PLCB3: variants seen among roughly 807,000 people sequenced by gnomAD.
The protein encoded by PLCB3 is phospholipase C beta 3.
A neutral mutation model predicts 152.1 loss-of-function variants in PLCB3; 54 were observed. The observed-to-expected ratio is 0.36, with a 90% CI of 0.29 to 0.45. The LOEUF is 0.45. Ranked by LOEUF, PLCB3 falls within the 20% of genes least tolerant of loss-of-function variation. PLCB3 has a pLI of 1.00. For missense variants in PLCB3, 1,248 were observed against 1,687.5 expected, an observed-to-expected ratio of 0.74 and a Z score of 4.56; for synonymous variants, 717 against 698.7, an observed-to-expected ratio of 1.03 and a Z score of -0.41.
chr11:64,260,477 C>T (rs2031791818), intron 14 of PLCB3, among the ~76,000 whole-genome samples: 1 of 151,894 alleles, frequency 6.6e-6, no homozygotes, highest in Non-Finnish European at 1.5e-5. Flanking sequence ...GGAGTCTACC[C>T]TGGGCAGGGA....
chr11:64,252,684 T>C (rs887029723), intron 1 of PLCB3, among the ~76,000 whole-genome samples: 17 of 151,224 alleles, frequency 1.1e-4, no homozygotes, highest in Non-Finnish European at 2.4e-4. Flanking sequence ...CGAGGTGGGG[T>C]GCCTGGGGGC....
chr11:64,254,680 G>A, intron 2 of PLCB3, 68 bp from the exon 3 acceptor site: 1 of 1,550,434 alleles, frequency 6.4e-7, no homozygotes, highest in Non-Finnish European at 8.9e-7. Context: ...CCTGGGTAGA[G>A]AGCTTGGAAG....
intron 10 of PLCB3, among the ~76,000 whole-genome samples, chr11:64,256,997 CTTTTTTTTTTT>C (rs5792316): frequency 1.6e-5 from 1 of 61,560 alleles, no homozygotes; most frequent in African/African-American, 6.7e-5. Flanking sequence ...CTTCAGGGTC[CTTTTTTTTTTT>C]TTTTTTTTTT....
rs1237149580 is a variant in PLCB3 at position 64,262,495 on chromosome 11, C to T, written c.2127C>T (p.Asp709=). ...AGCCGGAGTTCATGCGGCGGCCGGA[C>T]AAGTCCTTCGACCCCTTCACTGAGG... ...LLKPEFMRRP[D]KSFDPFTEVI... Residue 709 remains aspartate, a synonymous_variant, in exon 18 of 31, where the codon GAC becomes GAT. Transcript: ENST00000279230. The T allele has an allele frequency of 1.2e-6, 2 of 1,613,902 alleles. No homozygotes were observed.
chr11:64,254,713 C>T (rs755607508), intron 2 of PLCB3, 35 bp from the exon 3 acceptor site: 21 of 1,604,358 alleles, frequency 1.3e-5, no homozygotes, highest in Non-Finnish European at 1.6e-5. Flanking sequence ...GCCCTGCAGC[C>T]TCTCATACTC....
chr11:64,261,415 G>A lies in PLCB3; in HGVS notation c.1747G>A (p.Glu583Lys), dbSNP rs1215465391. ...GGGCCCACAGGGCACAGCCAGCAGC[G>A]AGGTGAATGCCACTGAGGAGATGTC... is the stretch of plus-strand genomic sequence containing the variant. Reference protein sequence around the residue: ...PTTDEGTASSEVNATEEMSTL... With the variant: ...PTTDEGTASSKVNATEEMSTL... Residue 583 changes from glutamate (E) to lysine (K), a missense_variant, in exon 15 of 31, where the codon GAG becomes AAG. This residue lies in a region of PLCB3 where 244 missense variants were observed against 424.4 expected (regional missense o/e 0.57). Transcript: ENST00000279230. 1 of 1,613,824 alleles carries A rather than the reference G, an allele frequency of 6.2e-7. No homozygotes were observed. Among genetic ancestry groups the A allele is most frequent in the Non-Finnish European group, 8.5e-7 (1 of 1,179,876 alleles).
At position 64,258,880 on chromosome 11, in the gene PLCB3, C is replaced by T. The variant is rs770829670; in HGVS notation, c.1254-5C>T. On this transcript the variant is annotated splice_region_variant and splice_polypyrimidine_tract_variant and intron_variant, in intron 11 of 30. Coordinates refer to ENST00000279230, the MANE Select transcript of PLCB3 (RefSeq NM_000932.5). The surrounding 1 kb of genome is among the most constrained non-coding windows in gnomAD (Gnocchi z 7.2). ...GATCTCTGACCTCTGACCTCGGTTC[C>T]GCAGGGCAAAGCAACAGGCAAAGAT... is the stretch of plus-strand genomic sequence containing the variant. The T allele has an allele frequency of 9.9e-6, 16 of 1,613,966 alleles. No individual in the cohort carries two copies. The highest frequency in any genetic ancestry group is 3.3e-5 in the Admixed American group (2 of 60,014).
rs1421734635 is a variant in PLCB3, at chr11:64,258,083, G to A, written c.1013-390G>A. Among the ~76,000 whole-genome samples the A allele has an allele frequency of 2.6e-5, 4 of 151,924 alleles. No homozygotes were observed. Among genetic ancestry groups the A allele is most frequent in the African/African-American group, 9.7e-5 (4 of 41,378 alleles). ...GCAGGAGAATCGCTTGAACCAGGGA[G>A]GCGGAGGTTGCAGTGAACCGAGGTT... On this transcript the variant is annotated intron_variant, in intron 10 of 30. Transcript: ENST00000279230. This position sits in a 1 kb window ranked among gnomAD's most constrained non-coding sequence, Gnocchi z 7.2.
At chr11:64,265,827 C>T in intron 25 of PLCB3, 59 bp from the exon 26 acceptor site, 1 of 1,574,824 alleles carries the variant, frequency 6.3e-7, no homozygotes, top group Non-Finnish European at 8.6e-7. Context: ...CCTACACACC[C>T]TCCCCATCCC....
rs769625063 is a variant in PLCB3 at position 64,258,967 on chromosome 11, C to T, written c.1336C>T (p.Pro446Ser). The change falls in exon 12 of 31, where the codon CCG becomes TCG. Residue 446 changes from proline to serine, a missense_variant and splice_region_variant. Transcript: ENST00000279230. The surrounding 1 kb of genome is among the most constrained non-coding windows in gnomAD (Gnocchi z 7.2). ...ALLIEPLDKY[P>S]LAPGVPLPSP... ...ACTCATCGAGCCTCTGGACAAGTAC[C>T]CGGTACGGGAGCTCGGAGCGAGGGG... The T allele has an allele frequency of 3.7e-6, 6 of 1,613,972 alleles. No homozygotes were observed. Among genetic ancestry groups the T allele is most frequent in the African/African-American group, 1.3e-5 (1 of 75,028 alleles).
In PLCB3 at chr11:64,267,475, C is replaced by T; in HGVS notation, c.3624C>T (p.Ala1208=). Residue 1208 remains alanine, a synonymous_variant, in exon 31 of 31, where the codon GCC becomes GCT. Transcript: ENST00000279230. This position sits in a 1 kb window ranked among gnomAD's most constrained non-coding sequence, Gnocchi z 5.2. Reference sequence around the variant, plus strand: ...GGGACGGGCCTCTGGTGGCCTGTGCCAGCAACGGTCACGCACCCGGGAGCA... The same window carrying T: ...GGGACGGGCCTCTGGTGGCCTGTGCTAGCAACGGTCACGCACCCGGGAGCA... ...GLGDGPLVAC[A]SNGHAPGSSG... 1 of 1,564,690 alleles carries T rather than the reference C, an allele frequency of 6.4e-7. No homozygotes were observed. The highest frequency in any genetic ancestry group is 8.6e-7 in the Non-Finnish European group (1 of 1,159,188).
In PLCB3 at chr11:64,258,169, A is replaced by G. The variant is rs1425969468; in HGVS notation, c.1013-304A>G. Among the ~76,000 whole-genome samples, 1 of 150,218 alleles carries G rather than the reference A, an allele frequency of 6.7e-6. No homozygotes were observed. The highest frequency in any genetic ancestry group is 1.5e-5 in the Non-Finnish European group (1 of 67,580). ...GTTCCGTCTCAAAAAAAAAAAAAAA[A>G]GAGATTGGATTGGAGGCAGGGAGGG... On this transcript the variant is annotated intron_variant, in intron 10 of 30. Transcript: ENST00000279230. This position sits in a 1 kb window ranked among gnomAD's most constrained non-coding sequence, Gnocchi z 7.2.
At position 64,265,390 on chromosome 11, in the gene PLCB3, C is replaced by T. The variant is rs548243845; in HGVS notation, c.2923C>T (p.Arg975Trp). The T allele has an allele frequency of 5.0e-6, 8 of 1,612,370 alleles. No individual in the cohort carries two copies. The highest frequency in any genetic ancestry group is 3.3e-5 in the South Asian group (3 of 91,034). ...CCGGAGCCGGCAAGAGCGAGACCTG[C>T]GGGAGCTGCGCAAGAAGCATCAGCG... is the stretch of plus-strand genomic sequence containing the variant. The part of the protein sequence containing the change: ...KLRSRQERDL[R>W]ELRKKHQRKA... The change falls in exon 25 of 31, where the codon CGG becomes TGG. Residue 975 changes from arginine (R) to tryptophan (W), a missense_variant. By Grantham distance (101) the Arg-to-Trp change is moderately radical (BLOSUM62 -3). Transcript: ENST00000279230.
At position 64,258,495 on chromosome 11, in the gene PLCB3, G is replaced by T. The variant is rs757760404; in HGVS notation, c.1035G>T (p.Ser345=). ...CAGCGGGGCAGCTGGCTGGGACCTC[G>T]TCGGTGGAGATGTACCGCCAGGCAC... ...YLTAGQLAGT[S]SVEMYRQALL... The change falls in exon 11 of 31, where the codon TCG becomes TCT. Residue 345 remains serine (S), a synonymous_variant. Transcript: ENST00000279230. This position sits in a 1 kb window ranked among gnomAD's most constrained non-coding sequence, Gnocchi z 7.2. 4.3e-6 allele frequency: 7 copies of T among 1,613,464 alleles called. No individual in the cohort carries two copies. Among genetic ancestry groups the T allele is most frequent in the East Asian group, 4.5e-5 (2 of 44,874 alleles).
chr11:64,267,464 G>C lies in PLCB3; in HGVS notation c.3613G>C (p.Val1205Leu). Residue 1205 changes from valine to leucine, a missense_variant, in exon 31 of 31, where the codon GTG becomes CTG. Physicochemically the swap from Val to Leu is conservative, Grantham distance 32. Transcript: ENST00000279230. This position sits in a 1 kb window ranked among gnomAD's most constrained non-coding sequence, Gnocchi z 5.2. ...GGAGGGGCTGGGGGACGGGCCTCTG[G>C]TGGCCTGTGCCAGCAACGGTCACGC... Reference protein sequence around the residue: ...MPEGLGDGPLVACASNGHAPG... With the variant: ...MPEGLGDGPLLACASNGHAPG... 3.2e-6 allele frequency: 5 copies of C among 1,560,718 alleles called. No individual in the cohort carries two copies. The highest frequency in any genetic ancestry group is 4.3e-6 in the Non-Finnish European group (5 of 1,157,030).
Position 64,265,925 on chromosome 11 carries a change from G to A in PLCB3, c.3075G>A (p.Glu1025=). ...ATGTGGAGGACACGAAGGAGGGGGA[G>A]GACGAGGCAAAGCGGTATCAGGAGT... ...AADVEDTKEG[E]DEAKRYQEFQ... The change falls in exon 26 of 31, where the codon GAG becomes GAA. Residue 1025 remains glutamate, a synonymous_variant. Coordinates refer to ENST00000279230, the MANE Select transcript of PLCB3 (RefSeq NM_000932.5). The A allele has an allele frequency of 1.3e-5, 21 of 1,613,586 alleles. No homozygotes were observed. Among genetic ancestry groups the A allele is most frequent in the Non-Finnish European group, 1.8e-5 (21 of 1,180,010 alleles).
In PLCB3 at chr11:64,259,189, C is replaced by G. The variant is rs1313630930; in HGVS notation, c.1470C>G (p.Ser490Arg). The G allele has an allele frequency of 2.5e-6, 4 of 1,594,836 alleles. No individual in the cohort carries two copies. Among genetic ancestry groups the G allele is most frequent in the Non-Finnish European group, 3.4e-6 (4 of 1,171,432 alleles). The stretch of plus-strand genomic sequence containing the variant: ...GGCGCAAGCGGCCCCTGGAGCAGAG[C>G]AATTCTGCCCTGAGCGAGAGCTCCG... ...SAGRKRPLEQ[S>R]NSALSESSAA... Residue 490 changes from serine (S) to arginine (R), a missense_variant, in exon 13 of 31, where the codon AGC (serine) becomes AGG (arginine). Physicochemically the swap from Ser to Arg is moderately radical, Grantham distance 110. Transcript: ENST00000279230.
chr11:64,263,640 T>TTG (rs1419502393), intron 20 of PLCB3, 43 bp downstream of exon 20: 1 of 1,599,000 alleles, frequency 6.3e-7, no homozygotes, highest in South Asian at 1.1e-5. Flanking sequence ...GGGCAGTGGG[T>TTG]AGGGCCCCCA....
Position 64,262,410 on chromosome 11 carries a change from T to C in PLCB3, c.2042T>C (p.Val681Ala). ...LVALNFQTLD[V>A]AMQLNAGVFE... ...CGACGTGCCCGTGGCACCCCAGATG[T>C]GGCGATGCAGCTCAACGCGGGCGTT... Residue 681 changes from valine to alanine, a missense_variant, in exon 18 of 31, where the codon GTG becomes GCG. Val to Ala is a moderately conservative substitution (Grantham distance 64, BLOSUM62 0). This residue lies in a region of PLCB3 where 244 missense variants were observed against 424.4 expected (regional missense o/e 0.57). Coordinates refer to ENST00000279230, the MANE Select transcript of PLCB3 (RefSeq NM_000932.5). The C allele has an allele frequency of 6.2e-7, 1 of 1,612,024 alleles. No individual in the cohort carries two copies. The highest frequency in any genetic ancestry group is 8.5e-7 in the Non-Finnish European group (1 of 1,178,560).
Sources: gnomAD v4.1 joint callset for allele counts (sites outside exome capture counted in the v4.1 genomes callset) on GRCh38, gnomAD v4.1.1 for gene constraint, gnomAD v4.1.1 regional missense constraint, Gnocchi (gnomAD v3.1) non-coding constraint, MANE v1.5 for transcripts, NCBI Gene and HGNC (gene_info 2026-07-23, HGNC 2026-07-21) for gene names.